ATAD1: variants seen among roughly 807,000 people sequenced by gnomAD.
ATAD1 encodes outer mitochondrial transmembrane helix translocase.
In ATAD1, 18 loss-of-function variants were observed where a neutral mutation model predicts 42.7. The ratio of observed to expected loss-of-function variants is 0.42; its 90% CI spans 0.29 to 0.63. The LOEUF is 0.63. ATAD1 is among the 20% of genes least tolerant of loss of function. The pLI is 0.19. For missense variants in ATAD1, 294 were observed against 440.4 expected, an observed-to-expected ratio of 0.67 and a Z score of 2.98; for synonymous variants, 132 against 143.1, an observed-to-expected ratio of 0.92 and a Z score of 0.55.
chr10:87,778,832 A>T (rs66834269), intron 5 of ATAD1, among the ~76,000 whole-genome samples: 10,056 of 152,242 alleles, frequency 0.066, 798 homozygotes, highest in East Asian at 0.33. Flanking sequence ...TCGGCAAAAA[A>T]ACGGACCAAC....
chr10:87,781,131 G>A (rs12573160), intron 5 of ATAD1, among the ~76,000 whole-genome samples: 44,582 of 151,758 alleles, frequency 0.29, 6,755 homozygotes, highest in Non-Finnish European at 0.31. Flanking sequence ...TCATATAAAA[G>A]CAAGCCTAAA....
In ATAD1 at chr10:87,753,563, T is replaced by TC. The variant is rs1286313990; in HGVS notation, c.*1123_*1124insG. The TC allele has an allele frequency of 6.6e-6, 1 of 152,550 alleles. No homozygotes were observed. The highest frequency in any genetic ancestry group is 2.4e-5 in the African/African-American group (1 of 41,442). The allele number at this position is 152,550 out of a possible 1,614,324, so 9.4% of individuals were successfully genotyped here. On this transcript the variant is annotated 3_prime_UTR_variant, in exon 10 of 10. Transcript: ENST00000680024. ...TCACATATAATTCACATTAAACGAC[T>TC]ACAGATAGATACAATATGGGCATTT... is the stretch of plus-strand genomic sequence containing the variant.
At chr10:87,758,155 T>A (rs1348785957) in intron 8 of ATAD1, among the ~76,000 whole-genome samples, 1 of 152,168 alleles carries the variant, frequency 6.6e-6, no homozygotes, top group Non-Finnish European at 1.5e-5. Context: ...TAAGGACATG[T>A]AAGACAGAGG....
intron 5 of ATAD1, among the ~76,000 whole-genome samples, chr10:87,782,285 A>C (rs1028903732): frequency 6.6e-6 from 1 of 152,216 alleles, no homozygotes; most frequent in Non-Finnish European, 1.5e-5. Context: ...TAGAATTAAC[A>C]CATGTTCACA....
intron 8 of ATAD1, among the ~76,000 whole-genome samples, chr10:87,758,089 T>C (rs1340110844): frequency 6.6e-6 from 1 of 152,232 alleles, no homozygotes; most frequent in African/African-American, 2.4e-5. Flanking sequence ...ATAGTTATTA[T>C]AGTAGTCATA....
intron 2 of ATAD1, among the ~76,000 whole-genome samples, chr10:87,797,324 GA>G (rs56928396): frequency 0.059 from 8,889 of 150,364 alleles, 635 homozygotes; most frequent in East Asian, 0.33. Context: ...AAAGAGGAAA[GA>G]AAAAAAAACA....
At chr10:87,794,594 G>A (rs1221525632) in intron 2 of ATAD1, among the ~76,000 whole-genome samples, 1 of 152,130 alleles carries the variant, frequency 6.6e-6, no homozygotes, top group African/African-American at 2.4e-5. Flanking sequence ...GTCAGTAGAG[G>A]TAGAGATGCC....
At chr10:87,762,336 A>C (rs1854518110) in intron 8 of ATAD1, among the ~76,000 whole-genome samples, 2 of 152,242 alleles carry the variant, frequency 1.3e-5, no homozygotes, top group African/African-American at 4.8e-5. Context: ...ATTTCTAGCC[A>C]CACCATGGCC....
At chr10:87,831,526 T>G (rs1176817956) in intron 1 of ATAD1, among the ~76,000 whole-genome samples, 1 of 152,236 alleles carries the variant, frequency 6.6e-6, no homozygotes, top group East Asian at 1.9e-4. Context: ...ATCTTCCTTT[T>G]GCTAGTAACC....
intron 4 of ATAD1, among the ~76,000 whole-genome samples, chr10:87,785,756 T>A (rs1381459439): frequency 6.6e-6 from 1 of 151,762 alleles, no homozygotes; most frequent in Non-Finnish European, 1.5e-5. Context: ...CTGCACCTGA[T>A]TCCATAACTC....
chr10:87,806,047 G>T (rs946850656), intron 2 of ATAD1, among the ~76,000 whole-genome samples: 1 of 151,996 alleles, frequency 6.6e-6, no homozygotes, highest in Non-Finnish European at 1.5e-5. Flanking sequence ...GTGAGAAGAG[G>T]GATAACCAAA....
At chr10:87,761,793 G>C (rs1386335517) in intron 8 of ATAD1, among the ~76,000 whole-genome samples, 2 of 151,910 alleles carry the variant, frequency 1.3e-5, no homozygotes, top group African/African-American at 2.4e-5. Context: ...TTAGAGACAG[G>C]ATCTTGCTCT....
At chr10:87,761,083 A>C (rs192917809) in intron 8 of ATAD1, among the ~76,000 whole-genome samples, 7 of 152,230 alleles carry the variant, frequency 4.6e-5, no homozygotes, top group Non-Finnish European at 1.0e-4. Context: ...TAAAAAAAAA[A>C]CAACAAAAAA....
At position 87,829,528 on chromosome 10, in the gene ATAD1, A is replaced by G. The variant is rs551140393; in HGVS notation, c.-14+11659T>C. Among the ~76,000 whole-genome samples, 8 of 152,314 alleles carry G rather than the reference A, an allele frequency of 5.3e-5. No individual in the cohort carries two copies. The South Asian group carries it at 6.2e-4, about 12-fold the overall frequency. Reference sequence around the variant, plus strand: ...CTCAGCCTCCCAAAGTGCTGGGATTACAGGCATGAGCCACCTCGCCCGGCC... The same window carrying G: ...CTCAGCCTCCCAAAGTGCTGGGATTGCAGGCATGAGCCACCTCGCCCGGCC... On this transcript the variant is annotated intron_variant, in intron 1 of 4. Coordinates refer to the ATAD1 transcript ENST00000495903.
At chr10:87,771,150 C>A in intron 6 of ATAD1, 109 bp from the exon 7 acceptor site, 1 of 697,246 alleles carries the variant, frequency 1.4e-6, no homozygotes, top group Non-Finnish European at 2.3e-6. Context: ...TAACTAAATC[C>A]TTTGTAAGAA....
At chr10:87,761,960 G>C (rs1854504157) in intron 8 of ATAD1, among the ~76,000 whole-genome samples, 1 of 151,988 alleles carries the variant, frequency 6.6e-6, no homozygotes, top group South Asian at 2.1e-4. Context: ...GCCCGGACCT[G>C]TCTCAAACTC....
chr10:87,784,686 T>A lies in ATAD1; in HGVS notation c.383-16A>T, dbSNP rs1023858034. 2.5e-6 allele frequency: 4 copies of A among 1,602,882 alleles called. No homozygotes were observed. Among genetic ancestry groups the A allele is most frequent in the Non-Finnish European group, 3.4e-6 (4 of 1,172,072 alleles). On this transcript the variant is annotated splice_polypyrimidine_tract_variant and intron_variant, in intron 4 of 9. Coordinates refer to ENST00000680024, the MANE Select transcript of ATAD1 (RefSeq NM_001321967.2). ...AGAAGAACACCTGGAAATGAATATG[T>A]TATTTATTACCTTTAAGGGGATATT... is the stretch of plus-strand genomic sequence containing the variant.
At chr10:87,776,894 T>C (rs1331190425) in intron 5 of ATAD1, among the ~76,000 whole-genome samples, 1 of 152,102 alleles carries the variant, frequency 6.6e-6, no homozygotes, top group Non-Finnish European at 1.5e-5. Flanking sequence ...ATCATTGAAA[T>C]GTCACTCTGT....
Position 87,753,499 on chromosome 10 carries a change from C to G in ATAD1, c.*1188G>C, listed in dbSNP as rs1301127113. 1 of 152,072 alleles carries G rather than the reference C, an allele frequency of 6.6e-6. No individual in the cohort carries two copies. The allele number at this position is 152,072 out of a possible 1,614,324, so 9.4% of individuals were successfully genotyped here. On this transcript the variant is annotated 3_prime_UTR_variant, in exon 10 of 10. Coordinates refer to ENST00000680024, the MANE Select transcript of ATAD1 (RefSeq NM_001321967.2). ...TTCCTCATGCTGCGTGGTTAGGTGC[C>G]TATAACAGAATTCTGGTTAGTAAAA...
Sources: allele counts gnomAD v4.1 joint callset (sites outside exome capture counted in the v4.1 genomes callset), GRCh38; gene constraint gnomAD v4.1.1; transcripts MANE v1.5; gene names NCBI Gene and HGNC (gene_info 2026-07-23, HGNC 2026-07-21).